USP24: variants seen among roughly 807,000 people sequenced by gnomAD.
USP24 encodes ubiquitin specific peptidase 24.
In USP24, 97 loss-of-function variants were observed where a neutral mutation model predicts 361.6. The ratio of observed to expected loss-of-function variants is 0.27; its 90% CI spans 0.23 to 0.32. The LOEUF (loss-of-function observed/expected upper bound fraction) is 0.32, where lower values mean the gene tolerates loss of function less well. USP24 is among the 10% of genes least tolerant of loss of function. The probability of loss-of-function intolerance (pLI) is 1.00; values close to 1 mark genes in which losing one functional copy is unlikely to be tolerated. For synonymous variants in USP24, 1,098 were observed against 1,124.6 expected (o/e 0.98, Z 0.47); for missense variants, 2,353 against 3,165.6 (o/e 0.74, Z 6.16).
At chr1:55,089,430 T>C (rs1256857070) in intron 55 of USP24, among the ~76,000 whole-genome samples, 197 bp downstream of exon 55, 1 of 152,196 alleles carries the variant, frequency 6.6e-6, no homozygotes, top group Non-Finnish European at 1.5e-5. Flanking sequence ...GCTCTTCTTG[T>C]GGTCACTGAA....
chr1:55,205,224 A>G (rs187846017), intron 1 of USP24, among the ~76,000 whole-genome samples: 5 of 152,334 alleles, frequency 3.3e-5, no homozygotes, highest in Admixed American at 3.3e-4. Flanking sequence ...AGAACTTTTG[A>G]GAGTCTTCAA....
At position 55,143,128 on chromosome 1, in the gene USP24, A is replaced by C; in HGVS notation, c.2440-9T>G. ...TCCAGCTTTTCTACATACTGTTCAA[A>C]AGAAAAAAAATTAAATTATAAAGCA... On this transcript the variant is annotated splice_polypyrimidine_tract_variant and intron_variant, in intron 21 of 67. Transcript: ENST00000294383. 3 of 1,479,288 alleles carry C rather than the reference A, an allele frequency of 2.0e-6. No homozygotes were observed. The highest frequency in any genetic ancestry group is 2.7e-6 in the Non-Finnish European group (3 of 1,120,780). 91.6% of individuals were successfully genotyped at this position (1,479,288 alleles called of 1,614,324 possible).
At chr1:55,200,382 A>T (rs1469198077) in intron 1 of USP24, among the ~76,000 whole-genome samples, 1 of 152,240 alleles carries the variant, frequency 6.6e-6, no homozygotes, top group Non-Finnish European at 1.5e-5. Context: ...GAACCACTGG[A>T]ATAGCTTATG....
chr1:55,099,293 A>G (rs549974637), intron 45 of USP24, among the ~76,000 whole-genome samples: 2 of 152,336 alleles, frequency 1.3e-5, no homozygotes, highest in African/African-American at 4.8e-5. Flanking sequence ...ATGGTACCTC[A>G]AGCCTGTAAT....
intron 38 of USP24, among the ~76,000 whole-genome samples, chr1:55,118,010 G>A (rs1646171087): frequency 1.3e-5 from 2 of 152,174 alleles, no homozygotes; most frequent in Admixed American, 6.5e-5. Flanking sequence ...AAGACATCTT[G>A]TGTTCAAGGA....
chr1:55,205,340 G>A (rs1193079467), intron 1 of USP24, among the ~76,000 whole-genome samples: 1 of 152,174 alleles, frequency 6.6e-6, no homozygotes, highest in Non-Finnish European at 1.5e-5. Context: ...TATGGGGGCA[G>A]GACAAGGGGA....
chr1:55,084,219 G>A (rs561742377), intron 56 of USP24, among the ~76,000 whole-genome samples: 4 of 152,238 alleles, frequency 2.6e-5, no homozygotes, highest in East Asian at 1.9e-4. Context: ...GGTGTTTAGG[G>A]AAGACATTTC....
chr1:55,077,454 T>A (rs1292771443), intron 61 of USP24, among the ~76,000 whole-genome samples, 154 bp from the exon 62 acceptor site: 1 of 152,202 alleles, frequency 6.6e-6, no homozygotes, highest in East Asian at 1.9e-4. Context: ...AAATGCTAAG[T>A]CTGGGAACTG....
chr1:55,199,309 CA>C (rs898461938), intron 1 of USP24, among the ~76,000 whole-genome samples: 16 of 144,458 alleles, frequency 1.1e-4, no homozygotes, highest in South Asian at 4.4e-4. Context: ...AAAAACAAAA[CA>C]AAAAAAAAAC....
chr1:55,163,833 T>C (rs148145018), intron 7 of USP24, among the ~76,000 whole-genome samples: 193 of 152,072 alleles, frequency 1.3e-3, no homozygotes, highest in African/African-American at 4.5e-3. Context: ...AGATTGAAGG[T>C]TGACTTTTCA....
intron 24 of USP24, among the ~76,000 whole-genome samples, chr1:55,140,210 C>T (rs558178706): frequency 6.6e-6 from 1 of 151,946 alleles, no homozygotes; most frequent in East Asian, 1.9e-4. Flanking sequence ...ATAAAAAGCA[C>T]TTAGTAAAGA....
intron 1 of USP24, among the ~76,000 whole-genome samples, chr1:55,210,316 A>G (rs985759637): frequency 2.0e-5 from 3 of 152,148 alleles, no homozygotes; most frequent in Admixed American, 6.5e-5. Context: ...CCCTATTTTT[A>G]TTTCATCTAC....
At position 55,198,912 on chromosome 1, in the gene USP24, T is replaced by C. The variant is rs375250031; in HGVS notation, c.324+15878A>G. 3.8e-4 allele frequency among the ~76,000 whole-genome samples: 58 copies of C among 152,304 alleles called. No individual in the cohort carries two copies. The South Asian group carries it at 0.012, about 31-fold the overall frequency. The stretch of plus-strand genomic sequence containing the variant: ...AAAATGATTCAATCATAAAATCTTT[T>C]AAACATAAGAGATCTGAATTAGACA... On this transcript the variant is annotated intron_variant, in intron 1 of 67. Transcript: ENST00000294383.
intron 41 of USP24, 66 bp from the exon 42 acceptor site, chr1:55,104,086 A>C: frequency 2.7e-6 from 4 of 1,502,952 alleles, no homozygotes; most frequent in Middle Eastern, 3.7e-4. Flanking sequence ...CATTAAACTA[A>C]ATCAACAGTT....
At position 55,166,616 on chromosome 1, in the gene USP24, A is replaced by C; in HGVS notation, c.826-13T>G. Reference sequence around the variant, plus strand: ...ATCCATGAGGCTCCTATGAGAAAAGAAAAACAAAATTGAGATGGCAATATA... The same window carrying C: ...ATCCATGAGGCTCCTATGAGAAAAGCAAAACAAAATTGAGATGGCAATATA... On this transcript the variant is annotated splice_polypyrimidine_tract_variant and intron_variant, in intron 5 of 67. Coordinates refer to ENST00000294383, the MANE Select transcript of USP24 (RefSeq NM_015306.3). 1 of 1,586,024 alleles carries C rather than the reference A, an allele frequency of 6.3e-7. No homozygotes were observed.
intron 20 of USP24, among the ~76,000 whole-genome samples, chr1:55,145,042 G>A (rs1646991656): frequency 6.6e-6 from 1 of 152,218 alleles, no homozygotes; most frequent in South Asian, 2.1e-4. Context: ...TTGAGGATGT[G>A]AAGAAATTGG....
intron 1 of USP24, among the ~76,000 whole-genome samples, chr1:55,187,999 C>A (rs1244168972): frequency 6.6e-6 from 1 of 152,196 alleles, no homozygotes; most frequent in Non-Finnish European, 1.5e-5. Flanking sequence ...ATTTTCAAAA[C>A]TTACTACAGC....
chr1:55,110,789 A>G (rs561171477), intron 38 of USP24, among the ~76,000 whole-genome samples: 1 of 152,294 alleles, frequency 6.6e-6, no homozygotes, highest in African/African-American at 2.4e-5. Flanking sequence ...AGAATCAGAC[A>G]CAAATGGGTT....
rs185936407 is a variant in USP24 at position 55,129,621 on chromosome 1, A to G, written c.3538-47T>C. ...TTATTCATCCACACATTTTCAGCAG[A>G]AATTACTCCTTTACTAAATAAAACA... On this transcript the variant is annotated intron_variant, in intron 31 of 67. Transcript: ENST00000294383. 1.8e-4 allele frequency: 258 copies of G among 1,470,590 alleles called. No homozygotes were observed. The Middle Eastern group carries it at 2.1e-3, about 12-fold the overall frequency. 91.1% of individuals were successfully genotyped at this position (1,470,590 alleles called of 1,614,324 possible). A position where few individuals can be genotyped will look rare whatever the true frequency, so the allele number is the denominator to read the frequency against.
Sources: gnomAD v4.1 joint callset for allele counts (sites outside exome capture counted in the v4.1 genomes callset) on GRCh38, gnomAD v4.1.1 for gene constraint, MANE v1.5 for transcripts, NCBI Gene and HGNC (gene_info 2026-07-23, HGNC 2026-07-21) for gene names.